The following RYR2 variants were observed in gnomAD, a reference collection of about 807,000 sequenced individuals.
The protein encoded by RYR2 is cardiac muscle ryanodine receptor-calcium release channel.
RYR2 carries 227 observed loss-of-function variants against 601.1 expected under a neutral mutation model. The ratio of observed to expected loss-of-function variants is 0.38; its 90% CI spans 0.34 to 0.42. The LOEUF is 0.42. RYR2 is among the 10% of genes least tolerant of loss of function. RYR2 has a pLI of 1.00. For missense variants in RYR2, 4,646 were observed against 6,156.5 expected, an observed-to-expected ratio of 0.75 and a Z score of 8.21; for synonymous variants, 2,223 against 2,175.1, an observed-to-expected ratio of 1.02 and a Z score of -0.61.
intron 68 of RYR2, among the ~76,000 whole-genome samples, chr1:237,708,502 A>G (rs77805032): frequency 3.3e-5 from 5 of 152,222 alleles, no homozygotes; most frequent in Non-Finnish European, 5.9e-5. Flanking sequence ...TATAGTAATT[A>G]TGTAGCAGAG....
chr1:237,266,358 G>A (rs1488923027), intron 1 of RYR2, among the ~76,000 whole-genome samples: 3 of 151,572 alleles, frequency 2.0e-5, no homozygotes, highest in Non-Finnish European at 4.4e-5. Context: ...GTGTGTACAT[G>A]TATGTGTGAG....
chr1:237,135,871 G>A (rs552909103), intron 1 of RYR2, among the ~76,000 whole-genome samples: 1 of 152,330 alleles, frequency 6.6e-6, no homozygotes, highest in South Asian at 2.1e-4. Flanking sequence ...AAGAGAGAGG[G>A]CAGAGAAGAG....
At chr1:237,248,758 C>CTT (rs1687154069) in intron 1 of RYR2, among the ~76,000 whole-genome samples, 3 of 115,302 alleles carry the variant, frequency 2.6e-5, no homozygotes, top group African/African-American at 1.1e-4. Context: ...AATGAATGTA[C>CTT]ATTTTTTTTT....
At chr1:237,295,153 A>T (rs1015457809) in intron 2 of RYR2, among the ~76,000 whole-genome samples, 3 of 152,050 alleles carry the variant, frequency 2.0e-5, no homozygotes, top group African/African-American at 7.2e-5. Flanking sequence ...GAATTTGAGA[A>T]TTTGAACCTG....
chr1:237,231,941 T>C (rs748848464), intron 1 of RYR2, among the ~76,000 whole-genome samples: 1 of 152,214 alleles, frequency 6.6e-6, no homozygotes, highest in Non-Finnish European at 1.5e-5. Flanking sequence ...ATTGCTGTAA[T>C]GTGTAGGTGG....
chr1:237,741,912 T>G (rs1691640644), intron 79 of RYR2, among the ~76,000 whole-genome samples: 1 of 152,080 alleles, frequency 6.6e-6, no homozygotes, highest in Admixed American at 6.6e-5. Flanking sequence ...TAATTTTAAC[T>G]AATGGTCATT....
At chr1:237,795,887 T>TAC (rs1364099634) in intron 96 of RYR2, among the ~76,000 whole-genome samples, 2 of 146,680 alleles carry the variant, frequency 1.4e-5, no homozygotes, top group South Asian at 4.2e-4. Flanking sequence ...CATATATATA[T>TAC]ACACACATAT....
intron 61 of RYR2, among the ~76,000 whole-genome samples, chr1:237,679,975 A>G (rs1178222645): frequency 1.3e-5 from 2 of 152,150 alleles, no homozygotes; most frequent in Non-Finnish European, 2.9e-5. Context: ...GCCAGGTTAA[A>G]AGAATATTGT....
intron 74 of RYR2, among the ~76,000 whole-genome samples, chr1:237,725,840 T>A (rs1012068976): frequency 2.6e-5 from 4 of 152,122 alleles, no homozygotes; most frequent in Non-Finnish European, 4.4e-5. Flanking sequence ...AAAATATGTT[T>A]GTCAACTGTC....
At chr1:237,394,443 T>C (rs1702646266) in intron 10 of RYR2, among the ~76,000 whole-genome samples, 1 of 152,226 alleles carries the variant, frequency 6.6e-6, no homozygotes, top group Admixed American at 6.5e-5. Context: ...CAAGTAATGC[T>C]TCTTGGGATG....
intron 1 of RYR2, among the ~76,000 whole-genome samples, chr1:237,043,050 C>T (rs1029322270): frequency 1.3e-5 from 2 of 152,164 alleles, no homozygotes; most frequent in African/African-American, 4.8e-5. Flanking sequence ...TCGGGCTGGA[C>T]CCGCGCGTTG....
intron 17 of RYR2, 116 bp from the exon 18 acceptor site, chr1:237,491,690 G>A (rs557524104): frequency 1.6e-6 from 1 of 616,546 alleles, no homozygotes; most frequent in African/African-American, 1.9e-5. Context: ...CAGTCACATT[G>A]AGCACAGATA....
intron 98 of RYR2, among the ~76,000 whole-genome samples, chr1:237,803,592 G>A (rs187871255): frequency 1.1e-4 from 16 of 152,244 alleles, no homozygotes; most frequent in East Asian, 1.9e-4. Flanking sequence ...GAGCCACCAC[G>A]CCCAGTCTTG....
intron 1 of RYR2, among the ~76,000 whole-genome samples, chr1:237,219,010 ATT>A (rs754644450): frequency 1.5e-4 from 18 of 121,678 alleles, no homozygotes; most frequent in Admixed American, 3.7e-4. Flanking sequence ...CTTATACTTG[ATT>A]TTTTTTTTTT....
At chr1:237,089,991 G>A in intron 1 of RYR2, among the ~76,000 whole-genome samples, 1 of 152,200 alleles carries the variant, frequency 6.6e-6, no homozygotes, top group South Asian at 2.1e-4. Flanking sequence ...GGAAGCCTCA[G>A]GAAACTTACA....
chr1:237,367,484 A>G (rs1038274329), intron 5 of RYR2, among the ~76,000 whole-genome samples: 31 of 152,300 alleles, frequency 2.0e-4, no homozygotes, highest in African/African-American at 6.7e-4. Flanking sequence ...CAAACAAAAC[A>G]TAAAGTTATT....
intron 10 of RYR2, among the ~76,000 whole-genome samples, chr1:237,413,998 A>C (rs937598378): frequency 5.9e-5 from 9 of 152,122 alleles, no homozygotes; most frequent in Non-Finnish European, 1.0e-4. Context: ...TTCATTTTCC[A>C]AGTTGTCAAT....
chr1:237,773,760 A>G (rs1363854953), intron 87 of RYR2, 112 bp downstream of exon 87: 1 of 747,270 alleles, frequency 1.3e-6, no homozygotes, highest in Non-Finnish European at 2.1e-6. Context: ...TTTCTTTGCA[A>G]ATTGCTACAA....
At chr1:237,451,081 G>A (rs1335356473) in intron 14 of RYR2, among the ~76,000 whole-genome samples, 2 of 151,910 alleles carry the variant, frequency 1.3e-5, no homozygotes, top group African/African-American at 4.8e-5. Flanking sequence ...TAAATGCACA[G>A]GAGTATTACC....
Sources: allele counts gnomAD v4.1 joint callset (sites outside exome capture counted in the v4.1 genomes callset), GRCh38; gene constraint gnomAD v4.1.1; transcripts MANE v1.5; gene names NCBI Gene and HGNC (gene_info 2026-07-23, HGNC 2026-07-21).